Variants in CAMKK1 observed in about 807,000 individuals in gnomAD.
CAMKK1 encodes calcium/calmodulin-dependent protein kinase kinase 1.
A neutral mutation model predicts 63.5 loss-of-function variants in CAMKK1; 20 were observed. That is an observed-to-expected ratio of 0.32 (90% CI 0.22 to 0.46). The LOEUF is 0.46. Ranked by LOEUF, CAMKK1 falls within the 20% of genes least tolerant of loss-of-function variation. The probability of loss-of-function intolerance (pLI) is 1.00; values close to 1 mark genes in which losing one functional copy is unlikely to be tolerated. For missense variants in CAMKK1, 588 were observed against 658.1 expected (o/e 0.89, Z 1.17); for synonymous variants, 253 against 269.0 (o/e 0.94, Z 0.58).
Position 3,882,936 on chromosome 17 carries a change from C to T in CAMKK1, c.648+106G>A, listed in dbSNP as rs1164198583. On this transcript the variant is annotated intron_variant, in intron 6 of 15. Transcript: ENST00000348335. This position sits in a 1 kb window ranked among gnomAD's most constrained non-coding sequence, Gnocchi z 4.3. The stretch of plus-strand genomic sequence containing the variant: ...TCCTCAGAGGCCTCAGCCACATCTG[C>T]CACCTGGGCAAGATCCCTGGGTCTG... The T allele has an allele frequency of 1.0e-5, 15 of 1,452,428 alleles. No homozygotes were observed. The highest frequency in any genetic ancestry group is 2.0e-5 in the Admixed American group (1 of 50,042). 90.0% of individuals were successfully genotyped at this position (1,452,428 alleles called of 1,614,324 possible).
rs541463148 is a variant in CAMKK1 at position 3,862,485 on chromosome 17, C to T, written c.1446-202G>A. On this transcript the variant is annotated intron_variant, in intron 15 of 15. Transcript: ENST00000348335. The surrounding 1 kb of genome is among the most constrained non-coding windows in gnomAD (Gnocchi z 4.1). ...GGTCTCTCAGCCCCCAGTCTCAGCC[C>T]GCAACGCCTCCGTGGCCCCCCATTG... Among the ~76,000 whole-genome samples the T allele has an allele frequency of 2.6e-4, 39 of 152,238 alleles. No individual in the cohort carries two copies. The highest frequency in any genetic ancestry group is 7.2e-4 in the African/African-American group (30 of 41,536).
intron 15 of CAMKK1, among the ~76,000 whole-genome samples, chr17:3,864,232 G>A (rs146142772): frequency 0.02 from 3,038 of 151,674 alleles, 87 homozygotes; most frequent in African/African-American, 0.069. Flanking sequence ...ATAGGCATGA[G>A]CCACCATGCT....
rs573137944 is a variant in CAMKK1, at chr17:3,871,508, C to T, written c.1124+1046G>A. On this transcript the variant is annotated intron_variant, in intron 12 of 15. Transcript: ENST00000348335. ...TAGCTGGGACTACAGGCACCCGCCA[C>T]CACGCCCGGCTAATTTTTTTTCTAT... 2.5e-4 allele frequency among the ~76,000 whole-genome samples: 37 copies of T among 150,700 alleles called. 1 individual carries two copies. Among genetic ancestry groups the T allele is most frequent in the East Asian group, 9.7e-4 (5 of 5,154 alleles).
intron 10 of CAMKK1, 100 bp from the exon 11 acceptor site, chr17:3,873,562 CCT>C: frequency 8.7e-7 from 1 of 1,152,194 alleles, no homozygotes; most frequent in South Asian, 1.2e-5. Flanking sequence ...GAACCTCTTT[CCT>C]CTGTCATGCA....
In CAMKK1 at chr17:3,883,376, C is replaced by T. The variant is rs562276671; in HGVS notation, c.514+53G>A. 2.6e-6 allele frequency: 4 copies of T among 1,567,094 alleles called. No homozygotes were observed. Among genetic ancestry groups the T allele is most frequent in the Non-Finnish European group, 3.5e-6 (4 of 1,137,552 alleles). On this transcript the variant is annotated intron_variant, in intron 5 of 15. Transcript: ENST00000348335. The surrounding 1 kb of genome is among the most constrained non-coding windows in gnomAD (Gnocchi z 4.7). Reference sequence around the variant, plus strand: ...AAAACTAGCTCAGGATCGAGGTCTCCTCCTCTGCCTCCAGGCTAGGAGCTC... The same window carrying T: ...AAAACTAGCTCAGGATCGAGGTCTCTTCCTCTGCCTCCAGGCTAGGAGCTC...
Position 3,880,416 on chromosome 17 carries a change from G to A in CAMKK1, c.726C>T (p.Pro242=). Residue 242 remains proline, a synonymous_variant, in exon 9 of 16, where the codon CCC becomes CCT. Coordinates refer to ENST00000348335, the MANE Select transcript of CAMKK1 (RefSeq NM_032294.3). ...GCTCCTCCGAGAAGGGCTTGTCACAGGGCACTTCCATGACGGGCCTATGGA... is the reference window on the plus strand; with the variant it reads ...GCTCCTCCGAGAAGGGCTTGTCACAAGGCACTTCCATGACGGGCCTATGGA... The part of the protein sequence containing the change: ...LLRKGPVMEV[P]CDKPFSEEQA... 1 of 1,613,866 alleles carries A rather than the reference G, an allele frequency of 6.2e-7. No homozygotes were observed. Among genetic ancestry groups the A allele is most frequent in the Admixed American group, 1.7e-5 (1 of 60,014 alleles).
At chr17:3,872,481 G>A in intron 12 of CAMKK1, 73 bp downstream of exon 12, 4 of 1,331,726 alleles carry the variant, frequency 3.0e-6, no homozygotes, top group East Asian at 2.3e-5. Flanking sequence ...TCCTCAGAGG[G>A]CAAAAGCTCT....
intron 13 of CAMKK1, 37 bp downstream of exon 13, chr17:3,869,764 G>A: frequency 6.2e-7 from 1 of 1,606,402 alleles, no homozygotes; most frequent in Non-Finnish European, 8.5e-7. Flanking sequence ...CCTGTTTTCT[G>A]TGTCCCAGCC....
intron 14 of CAMKK1, among the ~76,000 whole-genome samples, chr17:3,866,347 G>A (rs2054522933): frequency 6.6e-6 from 1 of 152,258 alleles, no homozygotes; most frequent in South Asian, 2.1e-4. Context: ...CAATGCCATG[G>A]AGGGATGCTG....
At position 3,889,559 on chromosome 17, in the gene CAMKK1, G is replaced by A. The variant is rs768573669; in HGVS notation, c.-44+3380C>T. ...CCACTGTCCTGCCAACTCCCAGGGC[G>A]ATGGAAGGAACAGAATGAGGTGTGG... On this transcript the variant is annotated intron_variant, in intron 1 of 15. Transcript: ENST00000348335. This position sits in a 1 kb window ranked among gnomAD's most constrained non-coding sequence, Gnocchi z 5.2. Among the ~76,000 whole-genome samples the A allele has an allele frequency of 6.6e-6, 1 of 152,060 alleles. No homozygotes were observed.
At chr17:3,869,159 G>A (rs968065927) in intron 14 of CAMKK1, among the ~76,000 whole-genome samples, 8 of 150,490 alleles carry the variant, frequency 5.3e-5, no homozygotes, top group African/African-American at 1.5e-4. Flanking sequence ...TAGTAGAGTC[G>A]GGGTTTCAAG....
At chr17:3,870,617 G>A (rs1033008366) in intron 12 of CAMKK1, among the ~76,000 whole-genome samples, 14 of 152,034 alleles carry the variant, frequency 9.2e-5, no homozygotes, top group South Asian at 2.1e-4. Context: ...CGCCTGCCTT[G>A]GCCTCCCAAA....
At chr17:3,880,755 A>C (rs1279359302) in intron 8 of CAMKK1, among the ~76,000 whole-genome samples, 1 of 150,100 alleles carries the variant, frequency 6.7e-6, no homozygotes, top group Non-Finnish European at 1.5e-5. Flanking sequence ...AGAGAGGATC[A>C]TGAAATCAAT....
In CAMKK1 at chr17:3,885,683, T is replaced by C. The variant is rs772689133; in HGVS notation, c.5A>G (p.Glu2Gly). 6.2e-7 allele frequency: 1 copy of C among 1,612,594 alleles called. No homozygotes were observed. Among genetic ancestry groups the C allele is most frequent in the Non-Finnish European group, 8.5e-7 (1 of 1,179,970 alleles). Residue 2 changes from glutamate (E) to glycine (G), a missense_variant, in exon 2 of 16, where the codon GAG becomes GGG. Coordinates refer to ENST00000348335, the MANE Select transcript of CAMKK1 (RefSeq NM_032294.3). M[E>G]GGPAVCCQDP... ...CTGGCAGCAGACAGCTGGACCCCCC[T>C]CCATTGCTTCAGTCAAGGGGGTTCT...
chr17:3,892,573 C>T lies in CAMKK1; in HGVS notation c.-44+366G>A, dbSNP rs901480588. 1.3e-5 allele frequency among the ~76,000 whole-genome samples: 2 copies of T among 152,204 alleles called. No individual in the cohort carries two copies. Among genetic ancestry groups the T allele is most frequent in the Non-Finnish European group, 2.9e-5 (2 of 68,030 alleles). ...GGGAGGAGCGCTCCGCGGAGAACCGCACGTGGGTGCCCCGGGCCGGGCCCA... is the reference window on the plus strand; with the variant it reads ...GGGAGGAGCGCTCCGCGGAGAACCGTACGTGGGTGCCCCGGGCCGGGCCCA... On this transcript the variant is annotated intron_variant, in intron 1 of 15. Coordinates refer to ENST00000348335, the MANE Select transcript of CAMKK1 (RefSeq NM_032294.3). The surrounding 1 kb of genome is among the most constrained non-coding windows in gnomAD (Gnocchi z 7.5).
rs1567610065 is a variant in CAMKK1 at position 3,865,984 on chromosome 17, G to A, written c.1369C>T (p.Arg457Cys). 4 of 1,614,144 alleles carry A rather than the reference G, an allele frequency of 2.5e-6. No individual in the cohort carries two copies. The highest frequency in any genetic ancestry group is 2.5e-6 in the Non-Finnish European group (3 of 1,180,022). ...VILVKSMLRK[R>C]SFGNPFEPQA... is the part of the protein sequence containing the mutation. ...GGCTCAAACGGGTTCCCAAAGGAAC[G>A]CTTCCTCAGCATGGACTTCACCAGG... Residue 457 changes from arginine (R) to cysteine (C), a missense_variant, in exon 15 of 16, where the codon CGT (arginine) becomes TGT (cysteine). By Grantham distance (180) the Arg-to-Cys change is radical. Around this residue, in one of 3 missense-constraint regions of CAMKK1, gnomAD observed 226 missense variants for 229.2 expected, o/e 0.99. Coordinates refer to ENST00000348335, the MANE Select transcript of CAMKK1 (RefSeq NM_032294.3).
At chr17:3,865,274 G>A (rs1025256444) in intron 15 of CAMKK1, 27 of 986,162 alleles carry the variant, frequency 2.7e-5, no homozygotes, top group Admixed American at 6.1e-5. Flanking sequence ...ACCCACAGGC[G>A]TGGCTCACCA....
chr17:3,863,912 T>G (rs576983458), intron 15 of CAMKK1, among the ~76,000 whole-genome samples: 1 of 152,230 alleles, frequency 6.6e-6, no homozygotes, highest in Middle Eastern at 3.4e-3. Flanking sequence ...AAGGACCAGG[T>G]GTCCGTCCAC....
chr17:3,862,318 G>A lies in CAMKK1; in HGVS notation c.1446-35C>T, dbSNP rs1245387214. 1.3e-6 allele frequency: 2 copies of A among 1,509,640 alleles called. No homozygotes were observed. Among genetic ancestry groups the A allele is most frequent in the South Asian group, 1.2e-5 (1 of 83,628 alleles). The allele number at this position is 1,509,640 out of a possible 1,614,324, so 93.5% of individuals were successfully genotyped here. Reference sequence around the variant, plus strand: ...GGACACCAGGGACAGAGGGACCTCAGGGTCAGAATATGCACTCAGGGAGAC... The same window carrying A: ...GGACACCAGGGACAGAGGGACCTCAAGGTCAGAATATGCACTCAGGGAGAC... On this transcript the variant is annotated intron_variant, in intron 15 of 15. Coordinates refer to ENST00000348335, the MANE Select transcript of CAMKK1 (RefSeq NM_032294.3). This position sits in a 1 kb window ranked among gnomAD's most constrained non-coding sequence, Gnocchi z 4.1.
Sources: gnomAD v4.1 joint callset for allele counts (sites outside exome capture counted in the v4.1 genomes callset) on GRCh38, gnomAD v4.1.1 for gene constraint, gnomAD v4.1.1 regional missense constraint, Gnocchi (gnomAD v3.1) non-coding constraint, MANE v1.5 for transcripts, NCBI Gene and HGNC (gene_info 2026-07-23, HGNC 2026-07-21) for gene names.